Variants in FXYD6 observed in about 807,000 individuals in gnomAD.
FXYD6 encodes the protein FXYD domain containing ion transport regulator 6.
Under a neutral mutation model 16.7 loss-of-function variants are expected in FXYD6, and 7 were observed. The observed-to-expected ratio is 0.42, with a 90% CI of 0.24 to 0.79. The LOEUF (loss-of-function observed/expected upper bound fraction) is 0.79. Ranked by LOEUF, FXYD6 falls within the 30% of genes least tolerant of loss-of-function variation. FXYD6 has a pLI of 0.28. For synonymous variants in FXYD6, 49 were observed against 43.0 expected, an observed-to-expected ratio of 1.14 and a Z score of -0.54; for missense variants, 111 against 116.2, an observed-to-expected ratio of 0.95 and a Z score of 0.21.
At chr11:117,854,668 C>T (rs1215729475) in intron 1 of FXYD6, among the ~76,000 whole-genome samples, 3 of 152,172 alleles carry the variant, frequency 2.0e-5, no homozygotes, top group Admixed American at 2.0e-4. Context: ...TCCAGAAAGA[C>T]AGAGAGAAGG....
At chr11:117,841,769 G>T in intron 4 of FXYD6, 22 bp downstream of exon 4, 1 of 1,613,132 alleles carries the variant, frequency 6.2e-7, no homozygotes. Flanking sequence ...TCTTAACAGA[G>T]TGAGCAAAAG....
At chr11:117,842,861 G>T in intron 1 of FXYD6, 80 bp from the exon 2 acceptor site, 1 of 1,459,048 alleles carries the variant, frequency 6.9e-7, no homozygotes, top group Non-Finnish European at 9.4e-7. Flanking sequence ...CCTGACCAGG[G>T]GCCAAGCCAA....
chr11:117,876,015 A>G (rs1276916474), intron 1 of FXYD6, among the ~76,000 whole-genome samples: 2 of 152,154 alleles, frequency 1.3e-5, no homozygotes, highest in Non-Finnish European at 2.9e-5. Context: ...GACAAGAAGG[A>G]GGGAAAAAAT....
chr11:117,860,064 G>A (rs980313133), intron 1 of FXYD6, among the ~76,000 whole-genome samples: 7 of 152,158 alleles, frequency 4.6e-5, no homozygotes, highest in Admixed American at 4.6e-4. Context: ...AGAAACTGAG[G>A]TAGGGAAAGA....
chr11:117,852,781 A>G (rs1435465556), intron 1 of FXYD6, among the ~76,000 whole-genome samples: 1 of 152,122 alleles, frequency 6.6e-6, no homozygotes, highest in Admixed American at 6.5e-5. Flanking sequence ...TCCTCATTCT[A>G]TTCTCCATAT....
chr11:117,852,038 A>C (rs2134161350), intron 1 of FXYD6, among the ~76,000 whole-genome samples: 1 of 152,370 alleles, frequency 6.6e-6, no homozygotes, highest in East Asian at 1.9e-4. Flanking sequence ...GGAGAGAAGC[A>C]CAGGATAAGG....
At position 117,842,764 on chromosome 11, in the gene FXYD6, G is replaced by C; in HGVS notation, c.13C>G (p.Leu5Val). The C allele has an allele frequency of 6.4e-7, 1 of 1,567,754 alleles. No homozygotes were observed. Among genetic ancestry groups the C allele is most frequent in the Non-Finnish European group, 8.7e-7 (1 of 1,155,680 alleles). MELVLVFLCSLLAPM... is the reference protein window; with the variant it reads MELVVVFLCSLLAPM... ...GCCAGCAGGCTGCAGAGGAAGACCA[G>C]CACCAACTCCATGGCGTCTGGGGAC... Residue 5 changes from leucine (L) to valine (V), a missense_variant, in exon 2 of 8, where the codon CTG becomes GTG. Physicochemically the swap from Leu to Val is conservative, Grantham distance 32. Coordinates refer to ENST00000526014, the MANE Select transcript of FXYD6 (RefSeq NM_022003.4).
intron 1 of FXYD6, among the ~76,000 whole-genome samples, chr11:117,875,401 T>A (rs2057235539): frequency 6.6e-6 from 1 of 151,752 alleles, no homozygotes; most frequent in Non-Finnish European, 1.5e-5. Context: ...GGATAACCAG[T>A]ATCTAGGCAA....
Position 117,841,792 on chromosome 11 carries a change from T to C in FXYD6, c.171A>G (p.Leu57=). 3 of 1,613,734 alleles carry C rather than the reference T, an allele frequency of 1.9e-6. No individual in the cohort carries two copies. The part of the protein sequence containing the change: ...VLFSVGILLI[L]SRRCKCSFNQ... The stretch of plus-strand genomic sequence containing the variant: ...GAGTGAGCAAAAGAACAAACTTACT[T>C]AGGATAAGGAGGATCCCAACCGAGA... The change falls in exon 4 of 8, where the codon CTA becomes CTG. Residue 57 remains leucine, a splice_region_variant and synonymous_variant. Coordinates refer to ENST00000526014, the MANE Select transcript of FXYD6 (RefSeq NM_022003.4).
At chr11:117,861,185 T>A (rs185492926) in intron 1 of FXYD6, among the ~76,000 whole-genome samples, 43 of 152,308 alleles carry the variant, frequency 2.8e-4, no homozygotes, top group African/African-American at 9.9e-4. Context: ...GTGAATGACA[T>A]CCCCTTTTGG....
At chr11:117,841,645 C>G (rs1196853970) in intron 4 of FXYD6, 146 bp downstream of exon 4, 1 of 794,680 alleles carries the variant, frequency 1.3e-6, no homozygotes, top group Non-Finnish European at 2.1e-6. Flanking sequence ...GTGCCCAGCA[C>G]TCTACTGGGT....
intron 1 of FXYD6, among the ~76,000 whole-genome samples, chr11:117,845,470 T>C (rs1451763509): frequency 2.6e-5 from 4 of 152,220 alleles, no homozygotes; most frequent in African/African-American, 7.2e-5. Flanking sequence ...TGATATCATG[T>C]TTATAGTCTT....
At chr11:117,847,537 C>T (rs1023536364) in intron 1 of FXYD6, among the ~76,000 whole-genome samples, 20 of 142,918 alleles carry the variant, frequency 1.4e-4, no homozygotes, top group East Asian at 6.3e-4. Flanking sequence ...CAACAGGCCC[C>T]GGTGTGTGAT....
chr11:117,860,082 C>T (rs1159467186), intron 1 of FXYD6, among the ~76,000 whole-genome samples: 3 of 150,828 alleles, frequency 2.0e-5, no homozygotes, highest in Non-Finnish European at 4.4e-5. Flanking sequence ...AGAGAGGTGC[C>T]CTGGAGAATA....
chr11:117,868,322 C>T (rs894167139), intron 1 of FXYD6, among the ~76,000 whole-genome samples: 1 of 152,140 alleles, frequency 6.6e-6, no homozygotes, highest in African/African-American at 2.4e-5. Context: ...GTCCCATCAA[C>T]GTCAACAGCA....
At chr11:117,847,978 C>T (rs905915293) in intron 1 of FXYD6, among the ~76,000 whole-genome samples, 2 of 152,182 alleles carry the variant, frequency 1.3e-5, no homozygotes, top group Admixed American at 6.5e-5. Flanking sequence ...TACAGTCCCA[C>T]CAACAGTGTA....
At chr11:117,868,682 C>T (rs1371625135) in intron 1 of FXYD6, among the ~76,000 whole-genome samples, 2 of 152,128 alleles carry the variant, frequency 1.3e-5, no homozygotes, top group Non-Finnish European at 2.9e-5. Context: ...AATATTTGTT[C>T]ATTAATTGTA....
intron 5 of FXYD6, 76 bp from the exon 6 acceptor site, chr11:117,840,444 T>C (rs2056312594): frequency 2.5e-6 from 4 of 1,593,060 alleles, no homozygotes; most frequent in Non-Finnish European, 3.4e-6. Flanking sequence ...TGCTCCTCAC[T>C]GGGGCACAGC....
chr11:117,858,675 C>CT (rs765596047), intron 1 of FXYD6, among the ~76,000 whole-genome samples: 1 of 86,156 alleles, frequency 1.2e-5, no homozygotes, highest in Admixed American at 1.4e-4. Context: ...TTCTTTCTTT[C>CT]TTTCTTTCTT....
Sources: gnomAD v4.1 joint callset for allele counts (sites outside exome capture counted in the v4.1 genomes callset) on GRCh38, gnomAD v4.1.1 for gene constraint, MANE v1.5 for transcripts, NCBI Gene and HGNC (gene_info 2026-07-23, HGNC 2026-07-21) for gene names.